Variants in N4BP2L2 observed in about 807,000 individuals in gnomAD.
The protein encoded by N4BP2L2 is NEDD4-binding protein 2-like 2.
N4BP2L2 carries 50 observed loss-of-function variants against 56.2 expected under a neutral mutation model. The ratio of observed to expected loss-of-function variants is 0.89; its 90% CI spans 0.71 to 1.13. The LOEUF is 1.13. Among genes scored for constraint, N4BP2L2 ranks in the 50% most tolerant of loss-of-function variants. The pLI is 0.00. For missense variants in N4BP2L2, 689 were observed against 693.8 expected (o/e 0.99, Z 0.08); for synonymous variants, 203 against 223.6 (o/e 0.91, Z 0.82).
chr13:32,515,748 T>G (rs1045813645), exon 6 of N4BP2L2: 2 of 152,178 alleles, frequency 1.3e-5, no homozygotes, highest in African/African-American at 4.8e-5. Context: ...AACTAATTTT[T>G]TTTTTTGAGA....
At chr13:32,511,754 G>A (rs917702030) in exon 6 of N4BP2L2, 1 of 152,096 alleles carries the variant, frequency 6.6e-6, no homozygotes, top group East Asian at 1.9e-4. Context: ...TGAGGTTACA[G>A]GAGGATAGCT....
exon 6 of N4BP2L2, chr13:32,516,498 T>C (rs1196696622): frequency 6.6e-6 from 1 of 152,092 alleles, no homozygotes; most frequent in African/African-American, 2.4e-5. Context: ...CCTGACAACT[T>C]AAAAAGTAAT....
chr13:32,485,767 G>C (rs1422969132), intron 6 of N4BP2L2, among the ~76,000 whole-genome samples: 2 of 152,038 alleles, frequency 1.3e-5, no homozygotes, highest in African/African-American at 4.8e-5. Flanking sequence ...TAACAAACTA[G>C]AAACAGGAAG....
At chr13:32,457,470 T>G (rs1241823872) in intron 6 of N4BP2L2, among the ~76,000 whole-genome samples, 1 of 151,910 alleles carries the variant, frequency 6.6e-6, no homozygotes, top group Admixed American at 6.6e-5. Flanking sequence ...ATTCTGAAAA[T>G]GGCAAGAAAA....
At chr13:32,456,163 T>C (rs1268037675) in intron 6 of N4BP2L2, among the ~76,000 whole-genome samples, 1 of 152,042 alleles carries the variant, frequency 6.6e-6, no homozygotes, top group Non-Finnish European at 1.5e-5. Flanking sequence ...TGCCACCACT[T>C]GGGCCTGAGG....
intron 6 of N4BP2L2, among the ~76,000 whole-genome samples, chr13:32,460,187 T>A (rs1047276932): frequency 6.6e-6 from 1 of 152,130 alleles, no homozygotes; most frequent in Non-Finnish European, 1.5e-5. Context: ...GACAAACTCT[T>A]AAGTAACATC....
intron 6 of N4BP2L2, among the ~76,000 whole-genome samples, chr13:32,451,109 T>C (rs2077939992): frequency 6.6e-6 from 1 of 151,812 alleles, no homozygotes; most frequent in Non-Finnish European, 1.5e-5. Flanking sequence ...CTGGAGAAGT[T>C]ACAGAAAAAA....
chr13:32,521,328 G>A (rs1299052404), intron 5 of N4BP2L2, 45 bp downstream of exon 5: 2 of 1,377,928 alleles, frequency 1.5e-6, no homozygotes, highest in Admixed American at 3.6e-5. Context: ...ATTCACAAAA[G>A]AAAGAAGAAA....
At chr13:32,443,590 G>A (rs1292311811) in exon 7 of N4BP2L2, 2 of 1,611,724 alleles carry the variant, frequency 1.2e-6, no homozygotes, top group Non-Finnish European at 1.7e-6. Context: ...TAAGCATGAA[G>A]TTTCCGCAGA....
chr13:32,533,981 A>C (rs2055791891), intron 2 of N4BP2L2, among the ~76,000 whole-genome samples: 1 of 152,202 alleles, frequency 6.6e-6, no homozygotes, highest in Non-Finnish European at 1.5e-5. Flanking sequence ...ACAACCATTA[A>C]GCATTACAGT....
intron 9 of N4BP2L2, among the ~76,000 whole-genome samples, chr13:32,434,253 T>G (rs1167988588): frequency 7.4e-6 from 1 of 135,428 alleles, no homozygotes; most frequent in Non-Finnish European, 1.5e-5. Context: ...ATTTTCTTTT[T>G]TTCTTTTTTT....
chr13:32,465,352 T>C (rs2081044661), intron 6 of N4BP2L2, among the ~76,000 whole-genome samples: 1 of 152,152 alleles, frequency 6.6e-6, no homozygotes, highest in Admixed American at 6.5e-5. Flanking sequence ...TTATGTAAAA[T>C]AACCAAACAG....
At chr13:32,524,384 T>TTA (rs1465114467) in intron 3 of N4BP2L2, 1 of 152,230 alleles carries the variant, frequency 6.6e-6, no homozygotes, top group Non-Finnish European at 1.5e-5. Context: ...AATGGGGAGA[T>TTA]TATCTTCTTT....
chr13:32,481,063 G>A (rs1325431077), intron 6 of N4BP2L2, among the ~76,000 whole-genome samples: 2 of 126,126 alleles, frequency 1.6e-5, no homozygotes, highest in African/African-American at 6.4e-5. Flanking sequence ...AGGTTGCAGC[G>A]AGCCGAGATC....
chr13:32,515,620 T>G (rs2049033728), exon 6 of N4BP2L2: 1 of 152,136 alleles, frequency 6.6e-6, no homozygotes, highest in African/African-American at 2.4e-5. Context: ...TGAAGACAAG[T>G]CTATAATAAA....
chr13:32,436,860 C>CTATT (rs147647946), intron 8 of N4BP2L2, among the ~76,000 whole-genome samples: 62,289 of 130,708 alleles, frequency 0.48, 14,698 homozygotes, highest in South Asian at 0.54. Context: ...TATCTAATAT[C>CTATT]TATCTATTTA....
At chr13:32,534,133 T>A (rs1264467166) in intron 2 of N4BP2L2, among the ~76,000 whole-genome samples, 1 of 152,200 alleles carries the variant, frequency 6.6e-6, no homozygotes, top group Non-Finnish European at 1.5e-5. Context: ...TGCACAAGAT[T>A]TTTATATATG....
intron 6 of N4BP2L2, among the ~76,000 whole-genome samples, chr13:32,487,069 G>A (rs1475397952): frequency 1.3e-5 from 2 of 152,132 alleles, no homozygotes; most frequent in South Asian, 2.1e-4. Context: ...GCCCGCACCC[G>A]TAATCCCAGC....
At chr13:32,525,653 A>G (rs923209983) in intron 3 of N4BP2L2, 1 of 152,216 alleles carries the variant, frequency 6.6e-6, no homozygotes. Flanking sequence ...TGGGCAACAA[A>G]GCAAGACCCC....
Sources: allele counts gnomAD v4.1 joint callset (sites outside exome capture counted in the v4.1 genomes callset), GRCh38; gene constraint gnomAD v4.1.1; transcripts MANE v1.5; gene names NCBI Gene and HGNC (gene_info 2026-07-23, HGNC 2026-07-21).